Variants in TTLL9 observed in about 807,000 individuals in gnomAD.
The protein encoded by TTLL9 is probable tubulin polyglutamylase TTLL9.
Under a neutral mutation model 65.6 loss-of-function variants are expected in TTLL9, and 47 were observed. The ratio of observed to expected loss-of-function variants is 0.72; its 90% CI spans 0.57 to 0.91. The LOEUF (loss-of-function observed/expected upper bound fraction) is 0.91, where lower values mean the gene tolerates loss of function less well. Among genes scored for constraint, TTLL9 ranks in the 40% least tolerant of loss-of-function variants. TTLL9 has a pLI of 0.00. For synonymous variants in TTLL9, 179 were observed against 204.8 expected (o/e 0.87, Z 1.07); for missense variants, 537 against 568.8 (o/e 0.94, Z 0.57).
rs1410549229 is a variant in TTLL9, at chr20:31,944,344, A to T, written c.*1323A>T. The T allele has an allele frequency of 6.4e-6, 1 of 156,140 alleles. No homozygotes were observed. The highest frequency in any genetic ancestry group is 1.4e-5 in the Non-Finnish European group (1 of 70,156). 9.7% of individuals were successfully genotyped at this position (156,140 alleles called of 1,614,324 possible). A position where few individuals can be genotyped will look rare whatever the true frequency, so the allele number is the denominator to read the frequency against. ...ACACTGGACAACATCTAGCAAGGTG[A>T]ATTCTGCAACTCCCTACTTTATTTA... On this transcript the variant is annotated 3_prime_UTR_variant, in exon 15 of 15. Transcript: ENST00000535842.
intron 3 of TTLL9, among the ~76,000 whole-genome samples, 163 bp from the exon 4 acceptor site, chr20:31,898,310 C>T (rs2063415926): frequency 6.6e-6 from 1 of 152,188 alleles, no homozygotes; most frequent in Admixed American, 6.5e-5. Flanking sequence ...AATTCTCAAT[C>T]TGATTATGTT....
chr20:31,935,042 G>T (rs1600625179), intron 12 of TTLL9, among the ~76,000 whole-genome samples, 154 bp downstream of exon 12: 1 of 152,162 alleles, frequency 6.6e-6, no homozygotes, highest in South Asian at 2.1e-4. Context: ...TGTAAATGGG[G>T]TTGGTCATGA....
intron 11 of TTLL9, chr20:31,934,275 A>C (rs1334974675): frequency 5.9e-6 from 3 of 508,262 alleles, no homozygotes; most frequent in African/African-American, 5.7e-5. Flanking sequence ...GGGACACAGG[A>C]GAGCAGGTCC....
intron 2 of TTLL9, chr20:31,879,801 T>C (rs891433294): frequency 1.0e-5 from 16 of 1,545,860 alleles, no homozygotes; most frequent in Non-Finnish European, 3.5e-6. Context: ...TCCAGGCGCC[T>C]GTCTGTCGCC....
At chr20:31,873,821 G>GAAAGAAA (rs2062991828) in intron 2 of TTLL9, among the ~76,000 whole-genome samples, 17 of 96,072 alleles carry the variant, frequency 1.8e-4, no homozygotes, top group African/African-American at 6.8e-4. Flanking sequence ...AGGAAGGAAG[G>GAAAGAAA]AAGAAAGAAA....
At chr20:31,935,038 T>C (rs2064087194) in intron 12 of TTLL9, 150 bp downstream of exon 12, 2 of 736,098 alleles carry the variant, frequency 2.7e-6, no homozygotes, top group South Asian at 1.8e-5. Flanking sequence ...CATTTGTAAA[T>C]GGGGTTGGTC....
chr20:31,933,903 G>A lies in TTLL9; in HGVS notation c.807+45G>A, dbSNP rs368913264. On this transcript the variant is annotated intron_variant, in intron 11 of 14. Transcript: ENST00000535842. ...CTATGCACGGGTACAGCCCTCTGGC[G>A]CCAGGTCGGGGTGGGGAGGGTGGAG... The A allele has an allele frequency of 2.4e-5, 38 of 1,575,146 alleles. No homozygotes were observed. In the East Asian group the frequency reaches 2.5e-4, roughly 11 times the overall value.
chr20:31,928,620 A>ACCCTTGAT (rs1304584130), intron 10 of TTLL9, among the ~76,000 whole-genome samples: 1 of 152,008 alleles, frequency 6.6e-6, no homozygotes, highest in Non-Finnish European at 1.5e-5. Context: ...TACAGTCATC[A>ACCCTTGAT]CCCTTGATCC....
At chr20:31,912,432 T>G (rs1016780317) in intron 6 of TTLL9, among the ~76,000 whole-genome samples, 2 of 152,080 alleles carry the variant, frequency 1.3e-5, no homozygotes, top group Admixed American at 1.3e-4. Context: ...AACTTGAGGG[T>G]GCAGCAGAAT....
At position 31,908,567 on chromosome 20, in the gene TTLL9, TCCCC is replaced by T; in HGVS notation, c.207-23_207-20del. ...CAAGGTCCTCAGACCATGACCTTTA[TCCCC>T]GCCCCCACCCCACCCCCAGCGAAGG... On this transcript the variant is annotated intron_variant, in intron 4 of 14. Transcript: ENST00000535842. The T allele has an allele frequency of 6.4e-7, 1 of 1,573,838 alleles. No individual in the cohort carries two copies. Among genetic ancestry groups the T allele is most frequent in the Non-Finnish European group, 8.7e-7 (1 of 1,143,872 alleles).
At chr20:31,873,923 C>T (rs1379065969) in intron 2 of TTLL9, among the ~76,000 whole-genome samples, 1 of 152,072 alleles carries the variant, frequency 6.6e-6, no homozygotes, top group African/African-American at 2.4e-5. Context: ...AAGACTAGCT[C>T]CTTACCATGG....
intron 11 of TTLL9, 172 bp from the exon 12 acceptor site, chr20:31,934,520 T>G: frequency 1.5e-6 from 1 of 670,350 alleles, no homozygotes; most frequent in Non-Finnish European, 2.6e-6. Context: ...CATGAAGAAT[T>G]TTTGCCCCTC....
intron 3 of TTLL9, among the ~76,000 whole-genome samples, chr20:31,890,710 T>C (rs1482767004): frequency 6.6e-6 from 1 of 152,164 alleles, no homozygotes; most frequent in African/African-American, 2.4e-5. Context: ...TGGGAGAACG[T>C]AGAATGCACT....
At chr20:31,919,479 G>T (rs556381850) in intron 6 of TTLL9, among the ~76,000 whole-genome samples, 28 of 152,222 alleles carry the variant, frequency 1.8e-4, no homozygotes, top group Middle Eastern at 3.4e-3. Context: ...TCCATGCTGG[G>T]GTTCAGTAAA....
chr20:31,917,233 C>T (rs1412656080), intron 6 of TTLL9, among the ~76,000 whole-genome samples: 1 of 152,182 alleles, frequency 6.6e-6, no homozygotes, highest in Non-Finnish European at 1.5e-5. Context: ...CCTTTCCACT[C>T]ACTCACAACC....
intron 3 of TTLL9, among the ~76,000 whole-genome samples, chr20:31,893,607 G>T (rs2063339637): frequency 6.6e-6 from 1 of 151,042 alleles, no homozygotes; most frequent in African/African-American, 2.4e-5. Flanking sequence ...AGCTGTTCTT[G>T]TCTTCCACTC....
At chr20:31,875,480 T>C (rs2063025677) in intron 2 of TTLL9, among the ~76,000 whole-genome samples, 1 of 152,168 alleles carries the variant, frequency 6.6e-6, no homozygotes, top group Non-Finnish European at 1.5e-5. Context: ...TACTCCACTC[T>C]TTCCTAGTTA....
chr20:31,890,161 CTTTCTTTCTTTCT>C (rs2063282885), intron 3 of TTLL9, among the ~76,000 whole-genome samples: 1 of 109,910 alleles, frequency 9.1e-6, no homozygotes, highest in Non-Finnish European at 1.8e-5. Context: ...TTCCTTCTTT[CTTTCTTTCTTTCT>C]TTCTTTCTTT....
intron 3 of TTLL9, among the ~76,000 whole-genome samples, chr20:31,890,154 C>T (rs6087789): frequency 0.029 from 388 of 13,340 alleles, 11 homozygotes; most frequent in Middle Eastern, 0.067. Context: ...TCCTTCCTTC[C>T]TTCTTTCTTT....
Sources: allele counts gnomAD v4.1 joint callset (sites outside exome capture counted in the v4.1 genomes callset), GRCh38; gene constraint gnomAD v4.1.1; transcripts MANE v1.5; gene names NCBI Gene and HGNC (gene_info 2026-07-23, HGNC 2026-07-21).